The following CSMD3 variants were observed in gnomAD, a reference collection of about 807,000 sequenced individuals.
CSMD3 encodes CUB and Sushi multiple domains 3.
Under a neutral mutation model 435.2 loss-of-function variants are expected in CSMD3, and 177 were observed. That is an observed-to-expected ratio of 0.41 (90% CI 0.36 to 0.46). The LOEUF is 0.46. CSMD3 is among the 20% of genes least tolerant of loss of function. The pLI is 0.34. For missense variants in CSMD3, 4,265 were observed against 4,504.6 expected (o/e 0.95, Z 1.52); for synonymous variants, 1,656 against 1,520.5 (o/e 1.09, Z -2.07).
chr8:112,790,995 T>TATGCATTGGTGAAACCATC (rs2078673745), intron 13 of CSMD3, among the ~76,000 whole-genome samples: 1 of 152,064 alleles, frequency 6.6e-6, no homozygotes, highest in Non-Finnish European at 1.5e-5. Flanking sequence ...TTCACACATA[T>TATGCATTGGTGAAACCATC]ATGCATTGGT....
chr8:112,500,858 AAGG>A (rs1214225706), intron 30 of CSMD3, among the ~76,000 whole-genome samples: 1 of 151,574 alleles, frequency 6.6e-6, no homozygotes, highest in East Asian at 2.0e-4. Context: ...TGAGTACAGT[AAGG>A]AGAAGACAAT....
chr8:112,368,101 G>A (rs1412797936), intron 38 of CSMD3, among the ~76,000 whole-genome samples: 2 of 152,096 alleles, frequency 1.3e-5, no homozygotes, highest in East Asian at 3.9e-4. Context: ...CAGAGTAAAT[G>A]CTCTTATATC....
Position 112,241,842 on chromosome 8 carries a change from GCGC to G in CSMD3, c.10403-60_10403-58del. 1.0e-5 allele frequency: 6 copies of G among 601,416 alleles called. No individual in the cohort carries two copies. In the East Asian group the frequency reaches 2.1e-4, roughly 21 times the overall value. The allele number at this position is 601,416 out of a possible 1,614,324, so 37.3% of individuals were successfully genotyped here. On this transcript the variant is annotated intron_variant, in intron 65 of 70. Coordinates refer to ENST00000297405, the MANE Select transcript of CSMD3 (RefSeq NM_198123.2). ...TTGATGCAATTAATTACATACACAT[GCGC>G]ACACACACACACGCACACACACACA...
chr8:113,275,140 C>A (rs184098385), intron 3 of CSMD3, among the ~76,000 whole-genome samples: 2 of 152,006 alleles, frequency 1.3e-5, no homozygotes, highest in Admixed American at 6.6e-5. Flanking sequence ...AGATCCTATT[C>A]TAGGCACTCT....
intron 63 of CSMD3, among the ~76,000 whole-genome samples, chr8:112,249,294 T>G (rs1815047556): frequency 6.6e-6 from 1 of 152,032 alleles, no homozygotes; most frequent in Non-Finnish European, 1.5e-5. Context: ...CTCCCCAATA[T>G]CTTTTCCATA....
chr8:113,165,679 T>TA (rs1203644088), intron 4 of CSMD3, among the ~76,000 whole-genome samples: 1 of 151,990 alleles, frequency 6.6e-6, no homozygotes, highest in Non-Finnish European at 1.5e-5. Flanking sequence ...CATATAATAC[T>TA]AAAAAAATAC....
chr8:112,440,879 C>G (rs1371719363), intron 32 of CSMD3, among the ~76,000 whole-genome samples: 1 of 152,168 alleles, frequency 6.6e-6, no homozygotes, highest in East Asian at 1.9e-4. Flanking sequence ...CCCATGCAAC[C>G]ATTTTTCCCT....
At chr8:113,218,793 C>A (rs1301025107) in intron 3 of CSMD3, among the ~76,000 whole-genome samples, 1 of 151,006 alleles carries the variant, frequency 6.6e-6, no homozygotes, top group Non-Finnish European at 1.5e-5. Context: ...GCCAGAAATG[C>A]TTCATATTTC....
chr8:112,858,487 T>C (rs979440784), intron 11 of CSMD3, among the ~76,000 whole-genome samples: 1 of 151,738 alleles, frequency 6.6e-6, no homozygotes, highest in Non-Finnish European at 1.5e-5. Flanking sequence ...GTCCTCTCTA[T>C]TGCTATAAAA....
At chr8:113,096,407 C>T (rs2090163570) in intron 5 of CSMD3, among the ~76,000 whole-genome samples, 1 of 152,138 alleles carries the variant, frequency 6.6e-6, no homozygotes, top group African/African-American at 2.4e-5. Flanking sequence ...GAAATTCTAT[C>T]ATTTATCTTG....
intron 13 of CSMD3, among the ~76,000 whole-genome samples, chr8:112,786,381 AC>A (rs2078538180): frequency 6.6e-6 from 1 of 152,124 alleles, no homozygotes; most frequent in Non-Finnish European, 1.5e-5. Context: ...CTTATTTATT[AC>A]CCCAAAAGCA....
intron 32 of CSMD3, among the ~76,000 whole-genome samples, chr8:112,465,974 CAAAA>C: frequency 8.8e-6 from 1 of 114,164 alleles, no homozygotes; most frequent in African/African-American, 3.5e-5. Context: ...GACACCATCT[CAAAA>C]AAAAAAAAAA....
At position 112,999,476 on chromosome 8, in the gene CSMD3, T is replaced by G. The variant is rs565790374; in HGVS notation, c.1030+19591A>C. Among the ~76,000 whole-genome samples, 3 of 151,960 alleles carry G rather than the reference T, an allele frequency of 2.0e-5. No individual in the cohort carries two copies. In the East Asian group the frequency reaches 5.9e-4, roughly 30 times the overall value. Reference sequence around the variant, plus strand: ...GAATGAAGTCAGAGACGTAAGTTAGTAAACCATGTAAGTAAATGCAACAAG... The same window carrying G: ...GAATGAAGTCAGAGACGTAAGTTAGGAAACCATGTAAGTAAATGCAACAAG... On this transcript the variant is annotated intron_variant, in intron 6 of 70. Coordinates refer to ENST00000297405, the MANE Select transcript of CSMD3 (RefSeq NM_198123.2).
At chr8:112,231,480 A>G in intron 69 of CSMD3, 65 bp downstream of exon 69, 6 of 997,664 alleles carry the variant, frequency 6.0e-6, no homozygotes, top group Non-Finnish European at 6.5e-6. Flanking sequence ...CAGAATCCAC[A>G]GTCTTTTTTT....
At chr8:112,305,768 A>G (rs1182721957) in intron 51 of CSMD3, among the ~76,000 whole-genome samples, 1 of 152,174 alleles carries the variant, frequency 6.6e-6, no homozygotes, top group African/African-American at 2.4e-5. Context: ...ACATCATTGT[A>G]TAAAATAAAA....
intron 9 of CSMD3, among the ~76,000 whole-genome samples, chr8:112,944,999 T>G (rs2083560072): frequency 6.6e-6 from 1 of 151,712 alleles, no homozygotes; most frequent in Admixed American, 6.6e-5. Context: ...TATGTTCAAC[T>G]AATCACTTAA....
intron 11 of CSMD3, among the ~76,000 whole-genome samples, chr8:112,836,480 A>C (rs923185952): frequency 3.3e-5 from 5 of 151,824 alleles, no homozygotes; most frequent in African/African-American, 4.8e-5. Context: ...TTTGCCAGTG[A>C]TTCGATTACA....
chr8:112,321,153 C>A (rs1297934931), intron 45 of CSMD3, among the ~76,000 whole-genome samples: 4 of 152,004 alleles, frequency 2.6e-5, no homozygotes, highest in Non-Finnish European at 5.9e-5. Flanking sequence ...ATTATAACAT[C>A]TGAGGCAAAT....
At chr8:112,887,505 G>A (rs2081640740) in intron 10 of CSMD3, among the ~76,000 whole-genome samples, 1 of 151,164 alleles carries the variant, frequency 6.6e-6, no homozygotes, top group African/African-American at 2.4e-5. Context: ...TTTTTTTCAT[G>A]TTTAAACAGA....
Sources: gnomAD v4.1 joint callset for allele counts (sites outside exome capture counted in the v4.1 genomes callset) on GRCh38, gnomAD v4.1.1 for gene constraint, MANE v1.5 for transcripts, NCBI Gene and HGNC (gene_info 2026-07-23, HGNC 2026-07-21) for gene names.